SEL1L2: variants seen among roughly 807,000 people sequenced by gnomAD.
SEL1L2 encodes the protein SEL1L2 adaptor subunit of SYVN1 ubiquitin ligase.
A neutral mutation model predicts 98.8 loss-of-function variants in SEL1L2; 89 were observed. The observed-to-expected ratio is 0.90, with a 90% CI of 0.76 to 1.07. SEL1L2 has a LOEUF of 1.07. Among genes scored for constraint, SEL1L2 ranks in the 50% least tolerant of loss-of-function variants. SEL1L2 has a pLI of 0.00. For missense variants in SEL1L2, 788 were observed against 812.0 expected (o/e 0.97, Z 0.36); for synonymous variants, 262 against 278.5 (o/e 0.94, Z 0.59).
At chr20:13,959,918 A>T (rs950729114) in intron 1 of SEL1L2, among the ~76,000 whole-genome samples, 1 of 152,246 alleles carries the variant, frequency 6.6e-6, no homozygotes, top group East Asian at 1.9e-4. Context: ...TGGCAAGTAA[A>T]GCATAATTAG....
intron 1 of SEL1L2, among the ~76,000 whole-genome samples, chr20:13,978,123 T>A (rs1328294227): frequency 6.6e-6 from 1 of 152,050 alleles, no homozygotes; most frequent in East Asian, 1.9e-4. Flanking sequence ...TCTATAATAC[T>A]CAAAACAGCA....
At chr20:13,863,557 A>G (rs1231339003) in intron 17 of SEL1L2, among the ~76,000 whole-genome samples, 1 of 152,202 alleles carries the variant, frequency 6.6e-6, no homozygotes, top group Non-Finnish European at 1.5e-5. Flanking sequence ...TAGATTCCCT[A>G]GTCCCAAGTG....
chr20:13,978,937 T>C (rs983835046), intron 1 of SEL1L2, among the ~76,000 whole-genome samples: 16 of 152,026 alleles, frequency 1.1e-4, no homozygotes, highest in African/African-American at 3.4e-4. Flanking sequence ...TGCACGCCTG[T>C]AATTTCCGGT....
chr20:13,931,968 C>A (rs987556856), intron 2 of SEL1L2, among the ~76,000 whole-genome samples, 197 bp from the exon 3 acceptor site: 6 of 152,036 alleles, frequency 3.9e-5, no homozygotes, highest in Non-Finnish European at 7.4e-5. Context: ...GAATAAAAAC[C>A]TTTTAAATCT....
upstream of SEL1L2, chr20:13,990,697 G>A (rs115222564): frequency 5.0e-3 from 2,895 of 575,640 alleles, 62 homozygotes; most frequent in African/African-American, 0.051. Flanking sequence ...CTTTCAAGCC[G>A]GAATGAAGGC....
rs545680951 is a variant in SEL1L2 at position 13,962,335 on chromosome 20, C to T, written c.59-6204G>A. Among the ~76,000 whole-genome samples, 4 of 152,320 alleles carry T rather than the reference C, an allele frequency of 2.6e-5. No individual in the cohort carries two copies. In the South Asian group the frequency reaches 6.2e-4, roughly 24 times the overall value. ...ACCAACTGAAATGTGGCAGATGACA[C>T]TTCAAATTCCAAGGCTAGTCCTTAG... is the stretch of plus-strand genomic sequence containing the variant. On this transcript the variant is annotated intron_variant, in intron 1 of 19. Coordinates refer to ENST00000284951, the MANE Select transcript of SEL1L2 (RefSeq NM_025229.2).
At chr20:13,926,518 T>C (rs6079224) in intron 3 of SEL1L2, among the ~76,000 whole-genome samples, 136,824 of 152,054 alleles carry the variant, frequency 0.9, 61,641 homozygotes, top group East Asian at 1. Flanking sequence ...GGTTAGATGA[T>C]CCTGCCTTCA....
In SEL1L2 at chr20:13,850,334, A is replaced by C; in HGVS notation, c.1819-15T>G. 1 of 1,613,794 alleles carries C rather than the reference A, an allele frequency of 6.2e-7. No individual in the cohort carries two copies. Among genetic ancestry groups the C allele is most frequent in the Non-Finnish European group, 8.5e-7 (1 of 1,179,738 alleles). ...AAGTGAATGTCCTAGAAGGAGAAGA[A>C]TAGCCCTACCCATCAGATTCTGTAG... On this transcript the variant is annotated splice_polypyrimidine_tract_variant and intron_variant, in intron 18 of 19. Coordinates refer to ENST00000284951, the MANE Select transcript of SEL1L2 (RefSeq NM_025229.2).
intron 2 of SEL1L2, among the ~76,000 whole-genome samples, chr20:13,939,846 T>C (rs2049669026): frequency 6.6e-6 from 1 of 152,114 alleles, no homozygotes; most frequent in Non-Finnish European, 1.5e-5. Context: ...TTTGTGTTTT[T>C]AGTAGAGATG....
At chr20:13,902,060 C>T (rs1239006888) in intron 5 of SEL1L2, among the ~76,000 whole-genome samples, 1 of 152,098 alleles carries the variant, frequency 6.6e-6, no homozygotes, top group Non-Finnish European at 1.5e-5. Context: ...CTCATTGCCA[C>T]GGAAAAGGGC....
intron 5 of SEL1L2, among the ~76,000 whole-genome samples, chr20:13,895,066 A>T (rs2148045655): frequency 6.6e-6 from 1 of 152,320 alleles, no homozygotes; most frequent in South Asian, 2.1e-4. Context: ...AATACTAGCA[A>T]ACTGAATTCA....
chr20:13,965,982 TC>T (rs2051023364), intron 1 of SEL1L2, among the ~76,000 whole-genome samples: 1 of 148,710 alleles, frequency 6.7e-6, no homozygotes, highest in Non-Finnish European at 1.5e-5. Flanking sequence ...AAATCACTGA[TC>T]ACAGACCACC....
chr20:13,984,892 A>C (rs2052084494), intron 1 of SEL1L2, among the ~76,000 whole-genome samples: 1 of 152,196 alleles, frequency 6.6e-6, no homozygotes, highest in South Asian at 2.1e-4. Context: ...TGTAGTGAAC[A>C]AATCAGGGTA....
intron 5 of SEL1L2, among the ~76,000 whole-genome samples, chr20:13,912,937 A>G (rs1018187918): frequency 3.3e-5 from 5 of 152,248 alleles, no homozygotes; most frequent in African/African-American, 1.2e-4. Context: ...CCAGGGAAAC[A>G]GAACTAGAGA....
At position 13,887,099 on chromosome 20, in the gene SEL1L2, T is replaced by C. The variant is rs939475109; in HGVS notation, c.746-657A>G. Among the ~76,000 whole-genome samples, 26 of 152,182 alleles carry C rather than the reference T, an allele frequency of 1.7e-4. 1 individual carries two copies. On this transcript the variant is annotated intron_variant, in intron 8 of 19. Coordinates refer to ENST00000284951, the MANE Select transcript of SEL1L2 (RefSeq NM_025229.2). ...TAATATAGGAATAATCACTGCTCTTTAATTACTTCCTATGGATAGTCTGAA... is the reference window on the plus strand; with the variant it reads ...TAATATAGGAATAATCACTGCTCTTCAATTACTTCCTATGGATAGTCTGAA...
At position 13,865,192 on chromosome 20, in the gene SEL1L2, G is replaced by C. The variant is rs755927641; in HGVS notation, c.1620C>G (p.Leu540=). 3.1e-6 allele frequency: 5 copies of C among 1,613,408 alleles called. No homozygotes were observed. Among genetic ancestry groups the C allele is most frequent in the Non-Finnish European group, 4.2e-6 (5 of 1,179,496 alleles). Residue 540 remains leucine (L), a synonymous_variant, in exon 17 of 20, where the codon CTC becomes CTG. Coordinates refer to ENST00000284951, the MANE Select transcript of SEL1L2 (RefSeq NM_025229.2). ...CTTGAATGGCAGCTCGATTCCATAG[G>C]AGAAGCGCCATTGGATACATCTTCT... is the stretch of plus-strand genomic sequence containing the variant. ...EKEKMYPMAL[L]LWNRAAIQGN...
intron 1 of SEL1L2, among the ~76,000 whole-genome samples, chr20:13,989,445 T>C (rs1008901133): frequency 6.6e-6 from 1 of 152,230 alleles, no homozygotes; most frequent in Non-Finnish European, 1.5e-5. Flanking sequence ...CTTTCCAAGC[T>C]TGATATCTTC....
intron 1 of SEL1L2, among the ~76,000 whole-genome samples, chr20:13,987,070 A>T (rs2052230697): frequency 6.6e-6 from 1 of 151,926 alleles, no homozygotes; most frequent in Non-Finnish European, 1.5e-5. Flanking sequence ...TGACCTCGTG[A>T]TCTGCCCACC....
At chr20:13,915,381 G>A (rs1244252104) in intron 4 of SEL1L2, 1 of 500,480 alleles carries the variant, frequency 2.0e-6, no homozygotes, top group Non-Finnish European at 3.2e-6. Context: ...AAGGCAGATG[G>A]TCTCAAGGTC....
Sources: gnomAD v4.1 joint callset for allele counts (sites outside exome capture counted in the v4.1 genomes callset) on GRCh38, gnomAD v4.1.1 for gene constraint, MANE v1.5 for transcripts, NCBI Gene and HGNC (gene_info 2026-07-23, HGNC 2026-07-21) for gene names.